Variants in PDCD10 observed in about 807,000 individuals in gnomAD.
PDCD10 encodes the protein programmed cell death protein 10.
Under a neutral mutation model 29.2 loss-of-function variants are expected in PDCD10, and 4 were observed. The ratio of observed to expected loss-of-function variants is 0.14; its 90% CI spans 0.07 to 0.31. The LOEUF (loss-of-function observed/expected upper bound fraction) is 0.31. Among genes scored for constraint, PDCD10 ranks in the 10% least tolerant of loss-of-function variants. PDCD10 has a pLI of 1.00. For missense variants in PDCD10, 183 were observed against 257.9 expected (o/e 0.71, Z 1.99); for synonymous variants, 70 against 82.2 (o/e 0.85, Z 0.80).
chr3:167,716,715 C>T (rs1173201815), intron 3 of PDCD10, among the ~76,000 whole-genome samples: 2 of 151,882 alleles, frequency 1.3e-5, no homozygotes, highest in Non-Finnish European at 1.5e-5. Flanking sequence ...GATTCAGATG[C>T]TTCTGAATGG....
chr3:167,699,114 G>A (rs1292725660), intron 4 of PDCD10, among the ~76,000 whole-genome samples: 1 of 152,216 alleles, frequency 6.6e-6, no homozygotes, highest in Non-Finnish European at 1.5e-5. Context: ...TTACTGGGAT[G>A]TGTGTGCCTA....
chr3:167,693,851 G>A (rs939776435), intron 6 of PDCD10, among the ~76,000 whole-genome samples: 3 of 152,114 alleles, frequency 2.0e-5, no homozygotes, highest in Non-Finnish European at 4.4e-5. Flanking sequence ...AGCTACTCTG[G>A]AGGCTGAGGT....
intron 4 of PDCD10, among the ~76,000 whole-genome samples, chr3:167,698,884 A>G (rs766639229): frequency 6.6e-6 from 1 of 152,220 alleles, no homozygotes; most frequent in Admixed American, 6.5e-5. Flanking sequence ...CCAAAATGCT[A>G]AAGCTAGAGC....
Position 167,720,279 on chromosome 3 carries a change from G to C in PDCD10, c.-116-6C>G. Reference sequence around the variant, plus strand: ...GACACAAAAAACACACTGATCTGGTGAAAGAGGAAGAAAGAACAGAGACTT... The same window carrying C: ...GACACAAAAAACACACTGATCTGGTCAAAGAGGAAGAAAGAACAGAGACTT... On this transcript the variant is annotated splice_region_variant and splice_polypyrimidine_tract_variant and intron_variant, in intron 2 of 8. Transcript: ENST00000392750. The C allele has an allele frequency of 1.5e-6, 1 of 687,308 alleles. No individual in the cohort carries two copies. The highest frequency in any genetic ancestry group is 2.6e-6 in the Non-Finnish European group (1 of 379,352). The allele number at this position is 687,308 out of a possible 1,614,324, so 42.6% of individuals were successfully genotyped here.
At chr3:167,689,212 T>C (rs1474643934) in intron 6 of PDCD10, among the ~76,000 whole-genome samples, 2 of 152,172 alleles carry the variant, frequency 1.3e-5, no homozygotes, top group Non-Finnish European at 2.9e-5. Flanking sequence ...TTAAGTTGAA[T>C]CTTTGTATAT....
chr3:167,687,277 T>C lies in PDCD10; in HGVS notation c.514A>G (p.Lys172Glu). ...GTTTTCAGAGTATCACTGAAACTTT[T>C]GGAGTACTTTACAAATTCTTTCTTT... is the stretch of plus-strand genomic sequence containing the variant. ...HQKKEFVKYS[K>E]SFSDTLKTYF... The change falls in exon 8 of 9, where the codon AAA (lysine) becomes GAA (glutamate). Residue 172 changes from lysine (K) to glutamate (E), a missense_variant. Transcript: ENST00000392750. 6.3e-7 allele frequency: 1 copy of C among 1,591,852 alleles called. No individual in the cohort carries two copies. Among genetic ancestry groups the C allele is most frequent in the Non-Finnish European group, 8.6e-7 (1 of 1,160,222 alleles).
At position 167,731,298 on chromosome 3, in the gene PDCD10, T is replaced by C. The variant is rs1170091297; in HGVS notation, c.-117+2916A>G. On this transcript the variant is annotated intron_variant, in intron 2 of 8. Coordinates refer to ENST00000392750, the MANE Select transcript of PDCD10 (RefSeq NM_007217.4). ...ATATCGCTTGCAAAAAGCAGGACAG[T>C]GATAAGTCTCTAAAATGCTGTGTTA... is the stretch of plus-strand genomic sequence containing the variant. 5.3e-5 allele frequency among the ~76,000 whole-genome samples: 8 copies of C among 152,204 alleles called. 1 individual carries two copies. Among genetic ancestry groups the C allele is most frequent in the African/African-American group, 1.9e-4 (8 of 41,450 alleles).
Position 167,723,866 on chromosome 3 carries a change from A to G in PDCD10, c.-116-3593T>C, listed in dbSNP as rs1723832831. On this transcript the variant is annotated intron_variant, in intron 2 of 8. Coordinates refer to ENST00000392750, the MANE Select transcript of PDCD10 (RefSeq NM_007217.4). ...CAGAGTATAAGCAATCTTCTCACTT[A>G]TAATTTACCCCTCATTTTCTTGAAT... 3.3e-5 allele frequency among the ~76,000 whole-genome samples: 5 copies of G among 152,246 alleles called. No individual in the cohort carries two copies. In the South Asian group the frequency reaches 1.0e-3, roughly 31 times the overall value.
At chr3:167,693,484 A>C (rs571724824) in intron 6 of PDCD10, among the ~76,000 whole-genome samples, 1 of 152,324 alleles carries the variant, frequency 6.6e-6, no homozygotes, top group Admixed American at 6.5e-5. Flanking sequence ...TAGCATATAC[A>C]CTATATACTT....
At chr3:167,686,352 A>C (rs1444197295) in intron 8 of PDCD10, among the ~76,000 whole-genome samples, 1 of 152,242 alleles carries the variant, frequency 6.6e-6, no homozygotes, top group East Asian at 1.9e-4. Flanking sequence ...ATTTTATAGA[A>C]TGATGCTGTG....
At chr3:167,711,354 A>G (rs1722502841) in intron 3 of PDCD10, among the ~76,000 whole-genome samples, 1 of 152,212 alleles carries the variant, frequency 6.6e-6, no homozygotes. Flanking sequence ...AATCAAGCAG[A>G]AATTCTAGAA....
Position 167,684,116 on chromosome 3 carries a change from T to C in PDCD10, c.*192A>G. 2.0e-6 allele frequency: 1 copy of C among 499,026 alleles called. No homozygotes were observed. Among genetic ancestry groups the C allele is most frequent in the Non-Finnish European group, 3.6e-6 (1 of 275,252 alleles). 30.9% of individuals were successfully genotyped at this position (499,026 alleles called of 1,614,324 possible). A position where few individuals can be genotyped will look rare whatever the true frequency, so the allele number is the denominator to read the frequency against. ...TGATAATAGCAAAAGTGATGCAAAA[T>C]CTTCAGTGTGAGATTATGATTAAGC... On this transcript the variant is annotated 3_prime_UTR_variant, in exon 9 of 9. Coordinates refer to ENST00000392750, the MANE Select transcript of PDCD10 (RefSeq NM_007217.4).
intron 6 of PDCD10, among the ~76,000 whole-genome samples, chr3:167,693,851 G>C (rs939776435): frequency 1.3e-5 from 2 of 152,114 alleles, no homozygotes; most frequent in African/African-American, 2.4e-5. Context: ...AGCTACTCTG[G>C]AGGCTGAGGT....
rs1035589409 is a variant in PDCD10 at position 167,704,601 on chromosome 3, G to A, written c.150+241C>T. The A allele has an allele frequency of 9.7e-6, 4 of 410,712 alleles. No homozygotes were observed. In the South Asian group the frequency reaches 1.0e-4, roughly 11 times the overall value. 25.4% of individuals were successfully genotyped at this position (410,712 alleles called of 1,614,324 possible). A position where few individuals can be genotyped will look rare whatever the true frequency, so the allele number is the denominator to read the frequency against. On this transcript the variant is annotated intron_variant, in intron 4 of 8. Transcript: ENST00000392750. ...AAAATATAATCTACAGCTAAGGAGA[G>A]AACACTCTGAAAAACTCAGTTTCAA...
intron 4 of PDCD10, among the ~76,000 whole-genome samples, chr3:167,702,191 T>C (rs1721512550): frequency 6.6e-6 from 1 of 152,162 alleles, no homozygotes; most frequent in Admixed American, 6.6e-5. Context: ...TTACACTAAG[T>C]GTGCCTGCCT....
At chr3:167,726,083 G>C (rs976303667) in intron 2 of PDCD10, among the ~76,000 whole-genome samples, 3 of 145,262 alleles carry the variant, frequency 2.1e-5, no homozygotes, top group African/African-American at 7.6e-5. Context: ...ACCATGTCAA[G>C]TGTATGCACT....
At chr3:167,726,335 G>A (rs1284246311) in intron 2 of PDCD10, among the ~76,000 whole-genome samples, 3 of 151,930 alleles carry the variant, frequency 2.0e-5, no homozygotes, top group African/African-American at 4.8e-5. Flanking sequence ...CTGACCTCAG[G>A]TGATCCACCC....
intron 2 of PDCD10, among the ~76,000 whole-genome samples, chr3:167,731,971 G>C (rs1724865888): frequency 6.6e-6 from 1 of 152,164 alleles, no homozygotes; most frequent in African/African-American, 2.4e-5. Context: ...TCAGGAAGCA[G>C]CTTATGTATG....
intron 3 of PDCD10, among the ~76,000 whole-genome samples, chr3:167,713,664 C>G (rs1722739268): frequency 6.6e-6 from 1 of 151,264 alleles, no homozygotes; most frequent in Non-Finnish European, 1.5e-5. Context: ...AACTTTAAAC[C>G]AACTAAGAAA....
Sources: gnomAD v4.1 joint callset for allele counts (sites outside exome capture counted in the v4.1 genomes callset) on GRCh38, gnomAD v4.1.1 for gene constraint, MANE v1.5 for transcripts, NCBI Gene and HGNC (gene_info 2026-07-23, HGNC 2026-07-21) for gene names.